UBE2G1: variants seen among roughly 807,000 people sequenced by gnomAD.
UBE2G1 encodes ubiquitin conjugating enzyme E2 G1, also known as ubiquitin-conjugating enzyme E2 G1.
In UBE2G1, 5 loss-of-function variants were observed where a neutral mutation model predicts 22.7. That is an observed-to-expected ratio of 0.22 (90% CI 0.12 to 0.46). The LOEUF (loss-of-function observed/expected upper bound fraction) is 0.46. Ranked by LOEUF, UBE2G1 falls within the 20% of genes least tolerant of loss-of-function variation. UBE2G1 has a pLI of 0.99. For synonymous variants in UBE2G1, 74 were observed against 67.5 expected (o/e 1.10, Z -0.47); for missense variants, 88 against 203.9 (o/e 0.43, Z 3.46).
intron 1 of UBE2G1, among the ~76,000 whole-genome samples, chr17:4,355,126 C>A (rs1969891257): frequency 6.6e-6 from 1 of 151,902 alleles, no homozygotes; most frequent in Non-Finnish European, 1.5e-5. Context: ...ATTTGCCTCA[C>A]AAGCAACTGG....
chr17:4,277,917 ATT>A (rs754075993), intron 5 of UBE2G1, among the ~76,000 whole-genome samples: 3 of 145,194 alleles, frequency 2.1e-5, no homozygotes, highest in Non-Finnish European at 3.1e-5. Context: ...TATCTTTTAC[ATT>A]TTTTTTTTTT....
chr17:4,272,837 A>C (rs1968776641), intron 5 of UBE2G1, among the ~76,000 whole-genome samples: 1 of 152,182 alleles, frequency 6.6e-6, no homozygotes, highest in African/African-American at 2.4e-5. Context: ...AGAACGTTCT[A>C]CTGGACAGCG....
At chr17:4,304,904 A>C (rs756956570) in intron 2 of UBE2G1, among the ~76,000 whole-genome samples, 1 of 152,054 alleles carries the variant, frequency 6.6e-6, no homozygotes, top group Non-Finnish European at 1.5e-5. Context: ...CATTCCACTG[A>C]AATAATTACA....
intron 2 of UBE2G1, chr17:4,301,483 C>T: frequency 1.2e-6 from 1 of 823,018 alleles, no homozygotes; most frequent in South Asian, 1.3e-5. Flanking sequence ...AATCCTGCTG[C>T]CCTTCAGACT....
intron 1 of UBE2G1, among the ~76,000 whole-genome samples, chr17:4,319,683 T>C (rs1951840481): frequency 6.6e-6 from 1 of 150,714 alleles, no homozygotes; most frequent in African/African-American, 2.4e-5. Flanking sequence ...TGCAGTGAGC[T>C]GTAAGCATGC....
intron 1 of UBE2G1, among the ~76,000 whole-genome samples, chr17:4,340,578 G>A (rs911513575): frequency 1.3e-5 from 2 of 152,018 alleles, no homozygotes; most frequent in African/African-American, 2.4e-5. Flanking sequence ...TCCCCGCTTC[G>A]CACTGCACTT....
intron 1 of UBE2G1, among the ~76,000 whole-genome samples, chr17:4,343,320 G>A (rs369598416): frequency 3.3e-5 from 5 of 152,028 alleles, no homozygotes; most frequent in South Asian, 2.1e-4. Flanking sequence ...GGCCAGGCGC[G>A]GTAGCTCACG....
intron 1 of UBE2G1, among the ~76,000 whole-genome samples, chr17:4,340,907 AAAAAAC>A (rs1567527535): frequency 6.6e-6 from 1 of 150,790 alleles, no homozygotes; most frequent in African/African-American, 2.5e-5. Flanking sequence ...AAAAAAAAAA[AAAAAAC>A]AAAACCTTCA....
intron 1 of UBE2G1, among the ~76,000 whole-genome samples, chr17:4,357,545 T>C (rs1969922364): frequency 6.7e-6 from 1 of 149,682 alleles, no homozygotes; most frequent in Non-Finnish European, 1.5e-5. Flanking sequence ...TATGCAATTT[T>C]ATCACATTTG....
intron 1 of UBE2G1, chr17:4,364,343 T>G (rs1970006065): frequency 1.5e-5 from 1 of 66,404 alleles, no homozygotes; most frequent in African/African-American, 6.0e-5. Context: ...CAGGCTGGAG[T>G]GCAGTGGCGC....
chr17:4,292,614 T>C (rs576520442), intron 3 of UBE2G1, among the ~76,000 whole-genome samples: 2 of 152,356 alleles, frequency 1.3e-5, no homozygotes, highest in African/African-American at 4.8e-5. Context: ...AGACAACTAA[T>C]ACTGTGACAA....
intron 4 of UBE2G1, 124 bp downstream of exon 4, chr17:4,289,106 T>TAC (rs71144179): frequency 0.26 from 133,464 of 512,980 alleles, 8,575 homozygotes; most frequent in African/African-American, 0.35. Context: ...TGGGAAGAGA[T>TAC]ACACACACAC....
chr17:4,349,646 A>G (rs1164895819), intron 1 of UBE2G1, among the ~76,000 whole-genome samples: 1 of 152,086 alleles, frequency 6.6e-6, no homozygotes, highest in Non-Finnish European at 1.5e-5. Context: ...GATTGAGACC[A>G]TCCTGGCTAA....
At chr17:4,289,453 G>A (rs773463158) in intron 3 of UBE2G1, 45 bp from the exon 4 acceptor site, 3 of 1,458,742 alleles carry the variant, frequency 2.1e-6, no homozygotes, top group East Asian at 5.0e-5. Context: ...TACTAATTTG[G>A]TTATACATGA....
intron 1 of UBE2G1, among the ~76,000 whole-genome samples, chr17:4,333,975 G>A (rs1567525955): frequency 1.7e-5 from 2 of 117,978 alleles, no homozygotes; most frequent in Admixed American, 8.0e-5. Flanking sequence ...CATTTCCTCA[G>A]AAGAAAACAA....
At chr17:4,301,031 C>T (rs1567518324) in intron 2 of UBE2G1, among the ~76,000 whole-genome samples, 1 of 151,902 alleles carries the variant, frequency 6.6e-6, no homozygotes, top group Non-Finnish European at 1.5e-5. Flanking sequence ...TCCATGAGGC[C>T]TCCATTACTG....
At chr17:4,349,227 G>A (rs549038454) in intron 1 of UBE2G1, among the ~76,000 whole-genome samples, 31 of 151,862 alleles carry the variant, frequency 2.0e-4, no homozygotes, top group African/African-American at 7.5e-4. Flanking sequence ...TGCTGAGGCA[G>A]GAGAATTGCT....
chr17:4,342,397 G>A (rs1301754067), intron 1 of UBE2G1, among the ~76,000 whole-genome samples: 1 of 152,110 alleles, frequency 6.6e-6, no homozygotes, highest in Admixed American at 6.5e-5. Context: ...TAGGAGGCCA[G>A]GCTGGACAAC....
chr17:4,365,925 G>A (rs967214113), intron 1 of UBE2G1, among the ~76,000 whole-genome samples: 11 of 151,866 alleles, frequency 7.2e-5, no homozygotes, highest in Admixed American at 1.3e-4. Context: ...ACCTGAACCC[G>A]GGACCCGCCC....
Sources: gnomAD v4.1 joint callset for allele counts (sites outside exome capture counted in the v4.1 genomes callset) on GRCh38, gnomAD v4.1.1 for gene constraint, MANE v1.5 for transcripts, NCBI Gene and HGNC (gene_info 2026-07-23, HGNC 2026-07-21) for gene names.